NEMP2: variants seen among roughly 807,000 people sequenced by gnomAD.
NEMP2 encodes UPF0571 transmembrane protein.
Under a neutral mutation model 54.2 loss-of-function variants are expected in NEMP2, and 53 were observed. The ratio of observed to expected loss-of-function variants is 0.98; its 90% CI spans 0.78 to 1.23. The LOEUF is 1.23. Ranked by LOEUF, NEMP2 falls within the 50% of genes most tolerant of loss-of-function variation. NEMP2 has a pLI of 0.00. For synonymous variants in NEMP2, 197 were observed against 190.3 expected (o/e 1.04, Z -0.29); for missense variants, 455 against 511.3 (o/e 0.89, Z 1.06).
chr2:190,517,381 C>T, intron 5 of NEMP2, 139 bp downstream of exon 5: 2 of 600,668 alleles, frequency 3.3e-6, no homozygotes, highest in Non-Finnish European at 5.6e-6. Flanking sequence ...GAAAAAGATA[C>T]ATTTTAGAGC....
chr2:190,612,864 T>G, the NEMP2 span, among the ~76,000 whole-genome samples: 1 of 152,178 alleles, frequency 6.6e-6, no homozygotes, highest in Admixed American at 6.5e-5. Flanking sequence ...ACAAAAATTA[T>G]TTACCCTTTA....
chr2:190,457,438 G>A, the NEMP2 span, among the ~76,000 whole-genome samples: 2 of 152,168 alleles, frequency 1.3e-5, no homozygotes, highest in Non-Finnish European at 2.9e-5. This position sits in a 1 kb window ranked among gnomAD's most constrained non-coding sequence, Gnocchi z 5.1. Flanking sequence ...CAGACTTTGC[G>A]TGTTTTTTGC....
At chr2:190,616,798 T>A in the NEMP2 span, 2 of 150,978 alleles carry the variant, frequency 1.3e-5, no homozygotes, top group African/African-American at 4.9e-5. The surrounding 1 kb of genome is among the most constrained non-coding windows in gnomAD (Gnocchi z 5.1). Context: ...TTTTTTCCTA[T>A]TTTTTTTTCC....
the NEMP2 span, among the ~76,000 whole-genome samples, chr2:190,482,984 C>T: frequency 1.4e-5 from 2 of 141,730 alleles, no homozygotes; most frequent in Non-Finnish European, 3.0e-5. Context: ...CTCTGCTTCC[C>T]GGGTTCACGC....
the NEMP2 span, among the ~76,000 whole-genome samples, chr2:190,439,471 G>T: frequency 9.2e-5 from 14 of 151,982 alleles, no homozygotes; most frequent in African/African-American, 3.4e-4. This position sits in a 1 kb window ranked among gnomAD's most constrained non-coding sequence, Gnocchi z 5.8. Context: ...GAATTGTTAG[G>T]TTATTTCCAC....
At chr2:190,534,813 G>A, upstream of NEMP2, 2 of 505,930 alleles carry the variant, frequency 4.0e-6, no homozygotes, top group Non-Finnish European at 6.1e-6. Context: ...AGGGAGAGTT[G>A]GGCTCGTTGC....
At chr2:190,636,301 G>T in the NEMP2 span, among the ~76,000 whole-genome samples, 1 of 152,176 alleles carries the variant, frequency 6.6e-6, no homozygotes, top group African/African-American at 2.4e-5. Context: ...TGCAAATTTT[G>T]TGTCAGATTT....
In NEMP2 at chr2:190,530,229, G is replaced by A. The variant is rs139383709; in HGVS notation, c.97+4330C>T. ...CCTATAGACACGCTAGTAAAAGCAT[G>A]TTGCAGTGTTTTCCCTCGAATTCTC... On this transcript the variant is annotated intron_variant, in intron 1 of 8. Coordinates refer to ENST00000409150, the MANE Select transcript of NEMP2 (RefSeq NM_001142645.2). The surrounding 1 kb of genome is among the most constrained non-coding windows in gnomAD (Gnocchi z 4.6). Among the ~76,000 whole-genome samples the A allele has an allele frequency of 1.1e-3, 160 of 152,324 alleles. 1 individual carries two copies. The highest frequency in any genetic ancestry group is 3.7e-3 in the African/African-American group (155 of 41,572).
In NEMP2 at chr2:190,509,176, T is replaced by G; in HGVS notation, c.*13A>C. The G allele has an allele frequency of 6.4e-7, 1 of 1,551,514 alleles. No homozygotes were observed. The highest frequency in any genetic ancestry group is 8.7e-7 in the Non-Finnish European group (1 of 1,146,942). On this transcript the variant is annotated 3_prime_UTR_variant, in exon 9 of 9. Transcript: ENST00000409150. This position sits in a 1 kb window ranked among gnomAD's most constrained non-coding sequence, Gnocchi z 6.1. ...TTCCTTGTCCAGAATGAAGTCAACT[T>G]GAAGGTCGCATGTCAGGCAGTACTC...
At chr2:190,524,858 G>T (rs1021937693) in intron 2 of NEMP2, among the ~76,000 whole-genome samples, 1 of 152,198 alleles carries the variant, frequency 6.6e-6, no homozygotes, top group African/African-American at 2.4e-5. Flanking sequence ...CTGAATGAAG[G>T]AAAGTACTAG....
chr2:190,634,770 G>C, the NEMP2 span, among the ~76,000 whole-genome samples: 2 of 152,210 alleles, frequency 1.3e-5, no homozygotes, highest in Non-Finnish European at 2.9e-5. This position sits in a 1 kb window ranked among gnomAD's most constrained non-coding sequence, Gnocchi z 6.8. Flanking sequence ...CTGTCAGCTA[G>C]ACCCACTCTG....
chr2:190,463,637 A>G, the NEMP2 span, among the ~76,000 whole-genome samples: 2 of 152,152 alleles, frequency 1.3e-5, no homozygotes, highest in African/African-American at 4.8e-5. This position sits in a 1 kb window ranked among gnomAD's most constrained non-coding sequence, Gnocchi z 4.4. Context: ...CCTGGGCAAC[A>G]TAGTGAGACT....
chr2:190,562,287 A>AC, the NEMP2 span, among the ~76,000 whole-genome samples: 3 of 152,190 alleles, frequency 2.0e-5, no homozygotes, highest in Non-Finnish European at 4.4e-5. The surrounding 1 kb of genome is among the most constrained non-coding windows in gnomAD (Gnocchi z 5.0). Flanking sequence ...ACTGTTACAC[A>AC]GTGAGCTAAG....
chr2:190,498,761 A>G, the NEMP2 span, among the ~76,000 whole-genome samples: 2 of 152,164 alleles, frequency 1.3e-5, no homozygotes, highest in African/African-American at 4.8e-5. The surrounding 1 kb of genome is among the most constrained non-coding windows in gnomAD (Gnocchi z 5.9). Context: ...TTGAGTAGCA[A>G]TATTTTCATT....
the NEMP2 span, among the ~76,000 whole-genome samples, chr2:190,496,596 G>C: frequency 7.2e-5 from 11 of 152,160 alleles, 1 homozygote; most frequent in South Asian, 2.3e-3. This position sits in a 1 kb window ranked among gnomAD's most constrained non-coding sequence, Gnocchi z 4.7. Flanking sequence ...ATCAATGAGT[G>C]GATAAAGAAA....
chr2:190,432,105 G>A, the NEMP2 span, among the ~76,000 whole-genome samples: 2 of 152,206 alleles, frequency 1.3e-5, no homozygotes, highest in Non-Finnish European at 2.9e-5. Flanking sequence ...TTTAGTGGAA[G>A]GTCTTGATAA....
chr2:190,489,771 C>G, the NEMP2 span: 4 of 1,613,842 alleles, frequency 2.5e-6, no homozygotes, highest in South Asian at 1.1e-5. The surrounding 1 kb of genome is among the most constrained non-coding windows in gnomAD (Gnocchi z 6.6). Flanking sequence ...TTTATAGGGG[C>G]TGCTGCAACC....
chr2:190,560,049 TG>T, the NEMP2 span, among the ~76,000 whole-genome samples: 1 of 152,198 alleles, frequency 6.6e-6, no homozygotes, highest in African/African-American at 2.4e-5. The surrounding 1 kb of genome is among the most constrained non-coding windows in gnomAD (Gnocchi z 5.4). Context: ...GTGCAATGTG[TG>T]GGCCAGACTC....
the NEMP2 span, chr2:190,610,559 G>C: frequency 6.6e-6 from 1 of 152,204 alleles, no homozygotes; most frequent in African/African-American, 2.4e-5. The surrounding 1 kb of genome is among the most constrained non-coding windows in gnomAD (Gnocchi z 5.4). Context: ...CCTTAAAGGA[G>C]AGCATACCAT....
Sources: gnomAD v4.1 joint callset for allele counts (sites outside exome capture counted in the v4.1 genomes callset) on GRCh38, gnomAD v4.1.1 for gene constraint, Gnocchi (gnomAD v3.1) non-coding constraint, MANE v1.5 for transcripts, NCBI Gene and HGNC (gene_info 2026-07-23, HGNC 2026-07-21) for gene names.